PGM5: variants seen among roughly 807,000 people sequenced by gnomAD.
The protein encoded by PGM5 is phosphoglucomutase-like protein 5.
A neutral mutation model predicts 59.2 loss-of-function variants in PGM5; 23 were observed. That is an observed-to-expected ratio of 0.39 (90% CI 0.28 to 0.55). The LOEUF (loss-of-function observed/expected upper bound fraction) is 0.55, where lower values mean the gene tolerates loss of function less well. Among genes scored for constraint, PGM5 ranks in the 20% least tolerant of loss-of-function variants. PGM5 has a pLI of 0.66. For missense variants in PGM5, 574 were observed against 748.3 expected, an observed-to-expected ratio of 0.77 and a Z score of 2.72; for synonymous variants, 214 against 286.0, an observed-to-expected ratio of 0.75 and a Z score of 2.54.
chr9:68,483,277 G>C (rs1824228374), intron 8 of PGM5, among the ~76,000 whole-genome samples: 1 of 152,178 alleles, frequency 6.6e-6, no homozygotes, highest in African/African-American at 2.4e-5. Context: ...AAATATGAAG[G>C]GTGATGAGAG....
chr9:68,512,274 G>T (rs1238241657), intron 10 of PGM5, among the ~76,000 whole-genome samples: 14 of 152,328 alleles, frequency 9.2e-5, no homozygotes, highest in Admixed American at 7.8e-4. Flanking sequence ...GTGCTCTCTG[G>T]CTTCAAGGGA....
At chr9:68,446,064 C>T (rs1383626438) in intron 6 of PGM5, among the ~76,000 whole-genome samples, 2 of 152,180 alleles carry the variant, frequency 1.3e-5, no homozygotes, top group African/African-American at 4.8e-5. Flanking sequence ...CCAAGAGTTC[C>T]TTGGCTTTTT....
At chr9:68,407,612 G>C (rs1251866973) in intron 6 of PGM5, among the ~76,000 whole-genome samples, 9 of 152,086 alleles carry the variant, frequency 5.9e-5, no homozygotes, top group African/African-American at 2.2e-4. Flanking sequence ...CTGTGTCTCT[G>C]TATGCTGGCC....
intron 7 of PGM5, among the ~76,000 whole-genome samples, chr9:68,471,423 G>A (rs1824016360): frequency 1.3e-5 from 2 of 152,172 alleles, no homozygotes; most frequent in South Asian, 4.2e-4. Context: ...ACACAGTACA[G>A]TGACTGTAGA....
In PGM5 at chr9:68,435,105, GCCAC is replaced by G. The variant is rs1341132918; in HGVS notation, c.1044-29983_1044-29980del. ...TCTTCCTCCAGTTCTTGGGTTCTGT[GCCAC>G]CCACTTAGAGAGGCCTCCCTTGAGC... On this transcript the variant is annotated intron_variant, in intron 6 of 10. Transcript: ENST00000396396. Among the ~76,000 whole-genome samples the G allele has an allele frequency of 5.3e-5, 8 of 152,194 alleles. No homozygotes were observed. The East Asian group carries it at 1.6e-3, about 29-fold the overall frequency.
chr9:68,404,112 C>T (rs1180617663), intron 6 of PGM5, among the ~76,000 whole-genome samples: 1 of 152,008 alleles, frequency 6.6e-6, no homozygotes, highest in Non-Finnish European at 1.5e-5. Flanking sequence ...GGTATGATTC[C>T]TTCTAGAGGT....
chr9:68,391,296 T>C (rs2770873), intron 4 of PGM5, among the ~76,000 whole-genome samples: 1 of 152,090 alleles, frequency 6.6e-6, no homozygotes, highest in South Asian at 2.1e-4. Context: ...GTGAAAAAAT[T>C]TATGGAACTA....
At chr9:68,387,754 T>C (rs1822263830) in intron 4 of PGM5, among the ~76,000 whole-genome samples, 166 bp downstream of exon 4, 1 of 152,000 alleles carries the variant, frequency 6.6e-6, no homozygotes, top group South Asian at 2.1e-4. Context: ...CTTATTTCTG[T>C]CTTTGGATGT....
chr9:68,505,678 C>A (rs12349403), intron 10 of PGM5, among the ~76,000 whole-genome samples: 2,599 of 152,252 alleles, frequency 0.017, 67 homozygotes, highest in African/African-American at 0.056. Flanking sequence ...AGCTTCCATG[C>A]CCTCTCTGGG....
intron 3 of PGM5, among the ~76,000 whole-genome samples, chr9:68,385,107 A>T (rs1242883660): frequency 2.6e-5 from 4 of 151,978 alleles, no homozygotes; most frequent in African/African-American, 9.7e-5. Context: ...CCAAAATGAG[A>T]TTGTCAAAAA....
chr9:68,400,960 T>G (rs1822652587), intron 6 of PGM5, among the ~76,000 whole-genome samples: 1 of 152,210 alleles, frequency 6.6e-6, no homozygotes, highest in Non-Finnish European at 1.5e-5. Flanking sequence ...ACAAGACGCA[T>G]AAGGTGGCCT....
intron 1 of PGM5, among the ~76,000 whole-genome samples, chr9:68,374,352 A>G (rs565829841): frequency 1.3e-5 from 2 of 151,540 alleles, no homozygotes; most frequent in South Asian, 2.1e-4. Context: ...GACTACATAA[A>G]TTTTAGCAAG....
intron 6 of PGM5, among the ~76,000 whole-genome samples, chr9:68,447,152 C>T (rs1324948409): frequency 6.6e-6 from 1 of 151,434 alleles, no homozygotes; most frequent in Non-Finnish European, 1.5e-5. Context: ...GTTGCTGGTG[C>T]CAAGCCGGAG....
chr9:68,381,660 A>AC lies in PGM5; in HGVS notation c.425-2738_425-2737insC, dbSNP rs1554678335. Among the ~76,000 whole-genome samples the AC allele has an allele frequency of 5.7e-3, 849 of 149,906 alleles. 10 individuals are homozygous for AC. Among genetic ancestry groups the AC allele is most frequent in the African/African-American group, 0.019 (791 of 40,642 alleles). ...CACATGCACACACACACACACACAC[A>AC]AACACACACACAAATTTTTAGAACT... is the stretch of plus-strand genomic sequence containing the variant. On this transcript the variant is annotated intron_variant, in intron 2 of 10. Transcript: ENST00000396396.
At chr9:68,404,084 G>A (rs1438040103) in intron 6 of PGM5, among the ~76,000 whole-genome samples, 1 of 152,028 alleles carries the variant, frequency 6.6e-6, no homozygotes, top group Non-Finnish European at 1.5e-5. Flanking sequence ...TTATATTCTG[G>A]GTAAAGTGGG....
intron 9 of PGM5, chr9:68,498,939 T>G (rs1427793400): frequency 5.7e-6 from 2 of 350,802 alleles, no homozygotes; most frequent in Admixed American, 4.3e-5. Context: ...CACTTCTTTC[T>G]GATTCCCATA....
chr9:68,389,419 C>T lies in PGM5; in HGVS notation c.697+1831C>T, dbSNP rs1232571701. ...GTCAAACCTCTCCCCTTATCCCCAGCCCCTGGCAACCACTCATCTGCTTTC... is the reference window on the plus strand; with the variant it reads ...GTCAAACCTCTCCCCTTATCCCCAGTCCCTGGCAACCACTCATCTGCTTTC... On this transcript the variant is annotated intron_variant, in intron 4 of 10. Transcript: ENST00000396396. Among the ~76,000 whole-genome samples the T allele has an allele frequency of 2.0e-5, 3 of 152,068 alleles. No homozygotes were observed. The East Asian group carries it at 5.8e-4, about 29-fold the overall frequency.
At chr9:68,464,241 A>G (rs1169841183) in intron 6 of PGM5, among the ~76,000 whole-genome samples, 1 of 152,204 alleles carries the variant, frequency 6.6e-6, no homozygotes, top group East Asian at 1.9e-4. Flanking sequence ...AAGCAGCTCT[A>G]AGAGATATTT....
rs536979423 is a variant in PGM5, at chr9:68,430,490, T to C, written c.1044-34603T>C. Among the ~76,000 whole-genome samples, 3 of 152,370 alleles carry C rather than the reference T, an allele frequency of 2.0e-5. No homozygotes were observed. In the South Asian group the frequency reaches 6.2e-4, roughly 32 times the overall value. On this transcript the variant is annotated intron_variant, in intron 6 of 10. Coordinates refer to ENST00000396396, the MANE Select transcript of PGM5 (RefSeq NM_021965.4). ...TAAATAATTTCAAGTAAAATTAGAA[T>C]GGTATTTTTGTAAATCCTTGTACTT...
Sources: allele counts gnomAD v4.1 joint callset (sites outside exome capture counted in the v4.1 genomes callset), GRCh38; gene constraint gnomAD v4.1.1; transcripts MANE v1.5; gene names NCBI Gene and HGNC (gene_info 2026-07-23, HGNC 2026-07-21).